Variants in SH3GL2 observed in about 807,000 individuals in gnomAD.
SH3GL2 encodes the protein SH3 domain containing GRB2 like 2, endophilin A1.
SH3GL2 carries 24 observed loss-of-function variants against 46.0 expected under a neutral mutation model. The observed-to-expected ratio is 0.52, with a 90% CI of 0.38 to 0.73. The LOEUF (loss-of-function observed/expected upper bound fraction) is 0.73, where lower values mean the gene tolerates loss of function less well. SH3GL2 is among the 30% of genes least tolerant of loss of function. The probability of loss-of-function intolerance (pLI) is 0.00; values close to 1 mark genes in which losing one functional copy is unlikely to be tolerated. For missense variants in SH3GL2, 413 were observed against 424.2 expected, an observed-to-expected ratio of 0.97 and a Z score of 0.23; for synonymous variants, 196 against 147.1, an observed-to-expected ratio of 1.33 and a Z score of -2.40.
intron 1 of SH3GL2, among the ~76,000 whole-genome samples, chr9:17,617,392 C>G (rs1268105814): frequency 6.6e-6 from 1 of 152,148 alleles, no homozygotes. Flanking sequence ...TGGAACCCTC[C>G]TCAGGGAAAT....
chr9:17,729,152 C>G (rs1303267854), intron 1 of SH3GL2, among the ~76,000 whole-genome samples: 7 of 152,104 alleles, frequency 4.6e-5, no homozygotes, highest in African/African-American at 1.7e-4. Context: ...TTTTAATGAT[C>G]ATTATTGTAA....
chr9:17,705,781 T>A (rs1045875025), intron 1 of SH3GL2, among the ~76,000 whole-genome samples: 2 of 151,852 alleles, frequency 1.3e-5, no homozygotes, highest in African/African-American at 4.8e-5. Context: ...AAGGGAACCA[T>A]AGACATTGGG....
intron 1 of SH3GL2, among the ~76,000 whole-genome samples, chr9:17,662,937 C>G (rs773059164): frequency 1.3e-5 from 2 of 152,156 alleles, no homozygotes; most frequent in Non-Finnish European, 2.9e-5. Flanking sequence ...TCTCCAACTC[C>G]TGACCTCGTG....
chr9:17,666,699 C>T (rs1030144449), intron 1 of SH3GL2, among the ~76,000 whole-genome samples: 3 of 151,862 alleles, frequency 2.0e-5, no homozygotes, highest in Non-Finnish European at 2.9e-5. Flanking sequence ...GTTTGCGATT[C>T]GGAAACACTG....
intron 1 of SH3GL2, among the ~76,000 whole-genome samples, chr9:17,718,317 G>T (rs546091833): frequency 1.3e-5 from 2 of 152,200 alleles, no homozygotes; most frequent in East Asian, 3.9e-4. Context: ...CCAACGATAT[G>T]AAAAACAAAA....
At chr9:17,674,424 G>A (rs1820554871) in intron 1 of SH3GL2, among the ~76,000 whole-genome samples, 2 of 152,024 alleles carry the variant, frequency 1.3e-5, no homozygotes, top group East Asian at 1.9e-4. Context: ...GGCCCACCAT[G>A]CCTGGCTAAT....
At position 17,622,984 on chromosome 9, in the gene SH3GL2, T is replaced by TCCTTTCCTTTCCTTTCCTTTC. The variant is rs1186758217; in HGVS notation, c.45+43698_45+43699insCTTTCCTTTCCTTTCCTTTCC. ...CCCTCCCTTTTCCTTTCGTTTCCTT[T>TCCTTTCCTTTCCTTTCCTTTC]CGTTTCCTTTCCTTTCCTTTCCTTT... On this transcript the variant is annotated intron_variant, in intron 1 of 8. Coordinates refer to ENST00000380607, the MANE Select transcript of SH3GL2 (RefSeq NM_003026.5). Among the ~76,000 whole-genome samples, 39 of 75,718 alleles carry TCCTTTCCTTTCCTTTCCTTTC rather than the reference T, an allele frequency of 5.2e-4. No individual in the cohort carries two copies. The South Asian group carries it at 8.2e-3, about 16-fold the overall frequency. The allele number at this position is 75,718 out of a possible 152,430, so 49.7% of individuals were successfully genotyped here.
Position 17,628,411 on chromosome 9 carries a change from GGTGTGTGTGTGTGTGTGTGTGT to G in SH3GL2, c.45+49145_45+49166del, listed in dbSNP as rs3084633. Among the ~76,000 whole-genome samples, 448 of 143,770 alleles carry G rather than the reference GGTGTGTGTGTGTGTGTGTGTGT, an allele frequency of 3.1e-3. 3 individuals carry two copies. The highest frequency in any genetic ancestry group is 0.011 in the African/African-American group (421 of 36,928). The allele number at this position is 143,770 out of a possible 152,430, so 94.3% of individuals were successfully genotyped here. A position where few individuals can be genotyped will look rare whatever the true frequency, so the allele number is the denominator to read the frequency against. ...GGGATGCCCAGATAACTATATCTTG[GGTGTGTGTGTGTGTGTGTGTGT>G]GTGTGTGTGTGTGTGTGTGTATGTG... On this transcript the variant is annotated intron_variant, in intron 1 of 8. Transcript: ENST00000380607.
At chr9:17,779,653 A>T (rs1823742309) in intron 3 of SH3GL2, among the ~76,000 whole-genome samples, 1 of 152,164 alleles carries the variant, frequency 6.6e-6, no homozygotes, top group Non-Finnish European at 1.5e-5. Flanking sequence ...CACTGGAAGA[A>T]AACTGTTCTT....
In SH3GL2 at chr9:17,656,760, GACT is replaced by G. The variant is rs535210821; in HGVS notation, c.45+77476_45+77478del. ...ACTGCAAGCCTGGGCGACAGAGTGA[GACT>G]ACATCTCAAAAAAAAAAAAAAAAAC... On this transcript the variant is annotated intron_variant, in intron 1 of 8. Transcript: ENST00000380607. Among the ~76,000 whole-genome samples, 192 of 106,912 alleles carry G rather than the reference GACT, an allele frequency of 1.8e-3. 1 individual carries two copies. The highest frequency in any genetic ancestry group is 6.4e-3 in the African/African-American group (183 of 28,528). The allele number at this position is 106,912 out of a possible 152,430, so 70.1% of individuals were successfully genotyped here.
intron 3 of SH3GL2, among the ~76,000 whole-genome samples, chr9:17,762,958 A>G (rs184940376): frequency 1.3e-3 from 202 of 152,282 alleles, no homozygotes; most frequent in Non-Finnish European, 1.9e-3. Flanking sequence ...AGAACCTTGA[A>G]GTACTCCATG....
chr9:17,739,692 C>T (rs763931136), intron 1 of SH3GL2, among the ~76,000 whole-genome samples: 9 of 152,104 alleles, frequency 5.9e-5, no homozygotes, highest in South Asian at 2.1e-4. Context: ...ACCTTGCAAA[C>T]GAAACTGTGG....
intron 1 of SH3GL2, among the ~76,000 whole-genome samples, chr9:17,618,491 A>G (rs184457940): frequency 3.2e-4 from 48 of 152,270 alleles, no homozygotes; most frequent in African/African-American, 1.1e-3. Context: ...CATAGTTTGG[A>G]AATTTAAAAA....
chr9:17,775,538 T>G (rs1478331190), intron 3 of SH3GL2, among the ~76,000 whole-genome samples: 1 of 152,144 alleles, frequency 6.6e-6, no homozygotes, highest in African/African-American at 2.4e-5. Context: ...GGTCTTCAGT[T>G]TTTCAGGTAT....
At chr9:17,746,366 G>A (rs1822687336) in intron 1 of SH3GL2, among the ~76,000 whole-genome samples, 2 of 152,194 alleles carry the variant, frequency 1.3e-5, no homozygotes, top group Admixed American at 1.3e-4. Flanking sequence ...GTGAGTCACT[G>A]CGCCCGGCCC....
chr9:17,617,618 C>T (rs745445567), intron 1 of SH3GL2, among the ~76,000 whole-genome samples: 10 of 152,262 alleles, frequency 6.6e-5, no homozygotes, highest in Non-Finnish European at 8.8e-5. Flanking sequence ...TAACATCTTT[C>T]GAGACAGTTT....
intron 1 of SH3GL2, among the ~76,000 whole-genome samples, chr9:17,696,705 G>C (rs1446426213): frequency 6.6e-6 from 1 of 152,116 alleles, no homozygotes; most frequent in Non-Finnish European, 1.5e-5. Context: ...ACCTCCTACT[G>C]GGTCCCTCCC....
intron 1 of SH3GL2, among the ~76,000 whole-genome samples, chr9:17,705,255 A>C (rs113179501): frequency 1.1e-4 from 17 of 152,238 alleles, no homozygotes; most frequent in Middle Eastern, 3.4e-3. Context: ...GATGTTGGCA[A>C]GATTGCAGAG....
At chr9:17,651,998 C>T (rs982483944) in intron 1 of SH3GL2, among the ~76,000 whole-genome samples, 2 of 152,114 alleles carry the variant, frequency 1.3e-5, no homozygotes, top group Non-Finnish European at 2.9e-5. Flanking sequence ...TTTCAAAATA[C>T]CACTTAGTGG....
Sources: gnomAD v4.1 joint callset for allele counts (sites outside exome capture counted in the v4.1 genomes callset) on GRCh38, gnomAD v4.1.1 for gene constraint, MANE v1.5 for transcripts, NCBI Gene and HGNC (gene_info 2026-07-23, HGNC 2026-07-21) for gene names.